Variants in GABPA observed in about 807,000 individuals in gnomAD.
The protein encoded by GABPA is GA-binding protein alpha chain.
Under a neutral mutation model 59.4 loss-of-function variants are expected in GABPA, and 4 were observed. That is an observed-to-expected ratio of 0.07 (90% CI 0.03 to 0.15). The LOEUF (loss-of-function observed/expected upper bound fraction) is 0.15, where lower values mean the gene tolerates loss of function less well. Among genes scored for constraint, GABPA ranks in the 10% least tolerant of loss-of-function variants. The pLI is 1.00. For missense variants in GABPA, 251 were observed against 543.8 expected (o/e 0.46, Z 5.36); for synonymous variants, 164 against 183.1 (o/e 0.90, Z 0.84).
Position 25,768,061 on chromosome 21 carries a change from A to C in GABPA, c.1137-943A>C, listed in dbSNP as rs67043831. On this transcript the variant is annotated intron_variant, in intron 9 of 9. Transcript: ENST00000400075. ...ATCTGCCAGTCGTGGAAAGAGCTTG[A>C]CTTGCCTCTTTTTCCTGTTGTTGGA... is the stretch of plus-strand genomic sequence containing the variant. Among the ~76,000 whole-genome samples the C allele has an allele frequency of 2.6e-3, 403 of 152,132 alleles. 2 individuals carry two copies. The highest frequency in any genetic ancestry group is 9.4e-3 in the African/African-American group (392 of 41,514).
At chr21:25,763,128 T>C (rs2146095916) in intron 7 of GABPA, 2 of 488,966 alleles carry the variant, frequency 4.1e-6, no homozygotes, top group Middle Eastern at 1.4e-3. Flanking sequence ...ATGTCATCTT[T>C]TCCATCTTTT....
intron 2 of GABPA, among the ~76,000 whole-genome samples, chr21:25,742,493 T>C (rs1308322523): frequency 1.3e-5 from 2 of 152,198 alleles, no homozygotes; most frequent in African/African-American, 4.8e-5. Context: ...TCTTAAATTT[T>C]TAATAGAGCT....
At chr21:25,764,392 A>T in intron 8 of GABPA, 42 bp downstream of exon 8, 1 of 1,530,976 alleles carries the variant, frequency 6.5e-7, no homozygotes, top group Non-Finnish European at 8.8e-7. Flanking sequence ...ATATCTATCT[A>T]ATTAGGTATA....
At chr21:25,746,023 T>G (rs2035354418) in intron 3 of GABPA, among the ~76,000 whole-genome samples, 1 of 152,104 alleles carries the variant, frequency 6.6e-6, no homozygotes. Context: ...TTTTTTTTCT[T>G]TTTTTTGAAA....
intron 1 of GABPA, among the ~76,000 whole-genome samples, chr21:25,736,062 C>T (rs1274025780): frequency 1.3e-5 from 2 of 152,126 alleles, no homozygotes; most frequent in Non-Finnish European, 2.9e-5. Flanking sequence ...CATTTATCAG[C>T]GTATATGGTA....
At chr21:25,759,833 G>A (rs890228408) in intron 6 of GABPA, among the ~76,000 whole-genome samples, 1 of 152,150 alleles carries the variant, frequency 6.6e-6, no homozygotes, top group Non-Finnish European at 1.5e-5. Flanking sequence ...GAAATCTCAA[G>A]AACACAACAA....
chr21:25,735,175 TCTTTGAGTGGC>T lies in GABPA; in HGVS notation c.-425_-415del. 1.6e-6 allele frequency: 1 copy of T among 608,962 alleles called. No homozygotes were observed. Among genetic ancestry groups the T allele is most frequent in the Non-Finnish European group, 3.0e-6 (1 of 338,556 alleles). The allele number at this position is 608,962 out of a possible 1,614,324, so 37.7% of individuals were successfully genotyped here. A position where few individuals can be genotyped will look rare whatever the true frequency, so the allele number is the denominator to read the frequency against. On this transcript the variant is annotated 5_prime_UTR_variant, in exon 1 of 10. It introduces an in-frame stop codon into an upstream open reading frame of the 5' UTR. Transcript: ENST00000400075. Reference sequence around the variant, plus strand: ...GAAACCTTGCTCTGTACGCATGCGCTCTTTGAGTGGCCTTTCCCCTAGTTCAAGCTCCCCTC... The same window carrying T: ...GAAACCTTGCTCTGTACGCATGCGCTCTTTCCCCTAGTTCAAGCTCCCCTC...
chr21:25,752,394 TGTG>T, intron 5 of GABPA, 160 bp downstream of exon 5: 1 of 801,010 alleles, frequency 1.2e-6, no homozygotes. Flanking sequence ...TTTAAGCTCA[TGTG>T]GTGGACAAAT....
intron 2 of GABPA, 57 bp from the exon 3 acceptor site, chr21:25,745,153 G>T: frequency 6.3e-7 from 1 of 1,576,306 alleles, no homozygotes; most frequent in South Asian, 1.1e-5. Flanking sequence ...GCATATTGTT[G>T]CTTTGAAATC....
intron 3 of GABPA, among the ~76,000 whole-genome samples, chr21:25,746,653 GGGAA>G (rs563088498): frequency 0.034 from 5,221 of 152,198 alleles, 106 homozygotes; most frequent in Admixed American, 0.061. Context: ...TAGGGCATGT[GGGAA>G]AGTCTAGTAG....
At chr21:25,765,770 G>A (rs1013290333) in intron 9 of GABPA, among the ~76,000 whole-genome samples, 1 of 151,950 alleles carries the variant, frequency 6.6e-6, no homozygotes, top group Non-Finnish European at 1.5e-5. Context: ...ATTTTTGAGA[G>A]TTGATACAGA....
At chr21:25,767,377 A>G (rs1407568574) in intron 9 of GABPA, among the ~76,000 whole-genome samples, 1 of 151,958 alleles carries the variant, frequency 6.6e-6, no homozygotes, top group African/African-American at 2.4e-5. Flanking sequence ...TTAAAAAAAA[A>G]GAGGGAAGAA....
In GABPA at chr21:25,772,035, T is replaced by A. The variant is rs564871379; in HGVS notation, c.*2803T>A. On this transcript the variant is annotated 3_prime_UTR_variant, in exon 10 of 10. Transcript: ENST00000400075. Reference sequence around the variant, plus strand: ...CAAAAAGAATTGTACCACCAAATATTTTTGTGAGGTCTGCTGTTTTCCATA... The same window carrying A: ...CAAAAAGAATTGTACCACCAAATATATTTGTGAGGTCTGCTGTTTTCCATA... 6.6e-6 allele frequency: 1 copy of A among 152,200 alleles called. No individual in the cohort carries two copies. Among genetic ancestry groups the A allele is most frequent in the African/African-American group, 2.4e-5 (1 of 41,582 alleles). 9.4% of individuals were successfully genotyped at this position (152,200 alleles called of 1,614,324 possible).
At chr21:25,754,567 T>C (rs1021801286) in intron 5 of GABPA, among the ~76,000 whole-genome samples, 5 of 152,220 alleles carry the variant, frequency 3.3e-5, no homozygotes, top group Admixed American at 6.5e-5. Context: ...TCTGATCTTA[T>C]ATTGCCAATA....
At position 25,764,677 on chromosome 21, in the gene GABPA, T is replaced by G. The variant is rs755441923; in HGVS notation, c.1026T>G (p.Val342=). 5.6e-6 allele frequency: 9 copies of G among 1,612,730 alleles called. No individual in the cohort carries two copies. In the Admixed American group the frequency reaches 1.5e-4, roughly 27 times the overall value. ...ACGCTCGAGACTGCATTTCTTGGGT[T>G]GGTGATGAAGGTGAATTTAAGCTAA... ...DKDARDCISW[V]GDEGEFKLNQ... Residue 342 remains valine (V), a synonymous_variant, in exon 9 of 10, where the codon GTT becomes GTG. Transcript: ENST00000400075.
chr21:25,741,761 T>C, intron 2 of GABPA, 86 bp downstream of exon 2: 1 of 804,188 alleles, frequency 1.2e-6, no homozygotes, highest in Admixed American at 2.6e-5. Context: ...TCTTTTGGAC[T>C]GTCTTTTTTT....
chr21:25,763,327 T>C (rs1476377028), intron 7 of GABPA: 3 of 291,252 alleles, frequency 1.0e-5, no homozygotes, highest in Non-Finnish European at 6.9e-6. Flanking sequence ...CATAAGCTTT[T>C]AGCTATGTTT....
rs566648184 is a variant in GABPA, at chr21:25,735,031, C to T, written c.-574C>T. On this transcript the variant is annotated 5_prime_UTR_variant, in exon 1 of 10. Transcript: ENST00000400075. ...GGAGACAGTCTGCGACCGGACGGGT[C>T]TAGGTGAGACAGAAGCCAAACAGGA... 1 of 1,478,784 alleles carries T rather than the reference C, an allele frequency of 6.8e-7. No homozygotes were observed. Among genetic ancestry groups the T allele is most frequent in the South Asian group, 1.2e-5 (1 of 82,816 alleles). The allele number at this position is 1,478,784 out of a possible 1,614,324, so 91.6% of individuals were successfully genotyped here.
At position 25,770,686 on chromosome 21, in the gene GABPA, G is replaced by C. The variant is rs1278836764; in HGVS notation, c.*1454G>C. The stretch of plus-strand genomic sequence containing the variant: ...CAGTTAATGCTTTTGACTTAACTAG[G>C]AGAAAAAGGCATGATAATACAGGCA... On this transcript the variant is annotated 3_prime_UTR_variant, in exon 10 of 10. Transcript: ENST00000400075. 1 of 151,992 alleles carries C rather than the reference G, an allele frequency of 6.6e-6. No individual in the cohort carries two copies. The highest frequency in any genetic ancestry group is 1.9e-4 in the East Asian group (1 of 5,196). The allele number at this position is 151,992 out of a possible 1,614,324, so 9.4% of individuals were successfully genotyped here.
Sources: gnomAD v4.1 joint callset for allele counts (sites outside exome capture counted in the v4.1 genomes callset) on GRCh38, gnomAD v4.1.1 for gene constraint, MANE v1.5 for transcripts, NCBI Gene and HGNC (gene_info 2026-07-23, HGNC 2026-07-21) for gene names.